GRIK2: variants seen among roughly 807,000 people sequenced by gnomAD.
The protein encoded by GRIK2 is glutamate ionotropic receptor kainate type subunit 2, also known as glutamate receptor ionotropic, kainate 2.
In GRIK2, 32 loss-of-function variants were observed where a neutral mutation model predicts 100.3. The observed-to-expected ratio is 0.32, with a 90% confidence interval of 0.24 to 0.43. The LOEUF (loss-of-function observed/expected upper bound fraction) is 0.43, where lower values mean the gene tolerates loss of function less well. Ranked by LOEUF, GRIK2 falls within the 20% of genes least tolerant of loss-of-function variation. The pLI is 1.00. For synonymous variants in GRIK2, 417 were observed against 389.4 expected (o/e 1.07, Z -0.83); for missense variants, 843 against 1,114.9 (o/e 0.76, Z 3.47).
intron 9 of GRIK2, among the ~76,000 whole-genome samples, chr6:101,810,127 T>C (rs1781240480): frequency 6.6e-6 from 1 of 151,834 alleles, no homozygotes; most frequent in Admixed American, 6.6e-5. Flanking sequence ...TAATTGTAAT[T>C]GATTGATTTG....
chr6:101,605,682 A>C (rs892111133), intron 2 of GRIK2, among the ~76,000 whole-genome samples: 10 of 152,006 alleles, frequency 6.6e-5, no homozygotes, highest in African/African-American at 2.4e-4. Context: ...CCGTCTCCAA[A>C]AAACAAACAA....
chr6:102,005,075 A>AT (rs1366886234), intron 14 of GRIK2, among the ~76,000 whole-genome samples: 1 of 151,492 alleles, frequency 6.6e-6, no homozygotes, highest in East Asian at 1.9e-4. Context: ...TTACTCCTGA[A>AT]TTTTTAATCT....
chr6:101,896,471 G>T lies in GRIK2; in HGVS notation c.1748+6608G>T, dbSNP rs1054061359. Among the ~76,000 whole-genome samples, 4 of 151,632 alleles carry T rather than the reference G, an allele frequency of 2.6e-5. 1 individual carries two copies. The highest frequency in any genetic ancestry group is 1.3e-4 in the Admixed American group (2 of 15,166). The stretch of plus-strand genomic sequence containing the variant: ...ATTTTCTGTAATCAAATGCTAGTTG[G>T]CATTTTTTAAGGATAAACATGCTTA... On this transcript the variant is annotated intron_variant, in intron 12 of 16. Transcript: ENST00000369134.
At chr6:101,639,746 A>C (rs115453991) in intron 4 of GRIK2, among the ~76,000 whole-genome samples, 227 of 152,288 alleles carry the variant, frequency 1.5e-3, no homozygotes, top group African/African-American at 5.0e-3. Context: ...TAAGCATCTA[A>C]CTTTTTCAGA....
intron 2 of GRIK2, among the ~76,000 whole-genome samples, chr6:101,434,971 A>G (rs979551015): frequency 1.3e-5 from 2 of 152,086 alleles, no homozygotes; most frequent in Admixed American, 6.6e-5. Flanking sequence ...AGAAAATTCT[A>G]TCCAGAGAGA....
chr6:102,008,660 A>G (rs1296500933), intron 14 of GRIK2, among the ~76,000 whole-genome samples: 1 of 152,102 alleles, frequency 6.6e-6, no homozygotes, highest in Non-Finnish European at 1.5e-5. Context: ...GTCTTTTCCA[A>G]CTGTAAAATA....
chr6:101,464,566 G>T (rs1365336160), intron 2 of GRIK2, among the ~76,000 whole-genome samples: 1 of 117,212 alleles, frequency 8.5e-6, no homozygotes, highest in Non-Finnish European at 1.6e-5. Context: ...CGCCAGGCTG[G>T]AGTGCAGTGG....
At chr6:101,945,173 T>A (rs1791197271) in intron 14 of GRIK2, among the ~76,000 whole-genome samples, 1 of 150,740 alleles carries the variant, frequency 6.6e-6, no homozygotes, top group African/African-American at 2.4e-5. Flanking sequence ...TTTAACTGAT[T>A]TTTTTTTAGC....
At chr6:101,520,945 TA>T (rs1774853421) in intron 2 of GRIK2, among the ~76,000 whole-genome samples, 1 of 152,130 alleles carries the variant, frequency 6.6e-6, no homozygotes, top group African/African-American at 2.4e-5. Flanking sequence ...TTGTATATTA[TA>T]TTTTTTATAC....
At chr6:101,603,191 CAT>C (rs1779301136) in intron 2 of GRIK2, among the ~76,000 whole-genome samples, 1 of 151,672 alleles carries the variant, frequency 6.6e-6, no homozygotes, top group African/African-American at 2.4e-5. Flanking sequence ...AAATAATCAA[CAT>C]ATACACCCAC....
Position 101,874,346 on chromosome 6 carries a change from A to C in GRIK2, c.1524+14853A>C, listed in dbSNP as rs555659314. Reference sequence around the variant, plus strand: ...CCAGTTTTCCCAGCACCATTTATTAAATAGGGAATCCTTTCCCCATTTCTT... The same window carrying C: ...CCAGTTTTCCCAGCACCATTTATTACATAGGGAATCCTTTCCCCATTTCTT... On this transcript the variant is annotated intron_variant, in intron 11 of 16. Coordinates refer to ENST00000369134, the MANE Select transcript of GRIK2 (RefSeq NM_021956.5). Among the ~76,000 whole-genome samples, 4 of 152,204 alleles carry C rather than the reference A, an allele frequency of 2.6e-5. No homozygotes were observed. In the East Asian group the frequency reaches 7.7e-4, roughly 29 times the overall value.
intron 2 of GRIK2, among the ~76,000 whole-genome samples, chr6:101,536,923 T>C (rs1392619816): frequency 6.6e-6 from 1 of 151,776 alleles, no homozygotes; most frequent in Non-Finnish European, 1.5e-5. Flanking sequence ...TTTATAATTT[T>C]TATCTTCATT....
Position 101,686,254 on chromosome 6 carries a change from A to G in GRIK2, c.852A>G (p.Thr284=), listed in dbSNP as rs1311669748. ...VNMTGFRILN[T]ENTQVSSIIE... is the part of the protein sequence containing the mutation. ...TGACAGGGTTCAGAATATTAAATAC[A>G]GAAAATACCCAAGTCTCCTCCATCA... Residue 284 remains threonine (T), a synonymous_variant, in exon 7 of 17, where the codon ACA becomes ACG. Coordinates refer to ENST00000369134, the MANE Select transcript of GRIK2 (RefSeq NM_021956.5). 6.2e-7 allele frequency: 1 copy of G among 1,613,094 alleles called. No homozygotes were observed.
chr6:101,699,741 A>G (rs761216568), intron 7 of GRIK2, among the ~76,000 whole-genome samples: 3 of 152,134 alleles, frequency 2.0e-5, no homozygotes, highest in Admixed American at 6.6e-5. Flanking sequence ...AACAGAGGAG[A>G]GAGTAGTCTC....
chr6:101,503,953 A>G (rs1773898454), intron 2 of GRIK2, among the ~76,000 whole-genome samples: 1 of 152,160 alleles, frequency 6.6e-6, no homozygotes, highest in African/African-American at 2.4e-5. Flanking sequence ...CAAACTATGG[A>G]GAAAGTGACT....
intron 14 of GRIK2, among the ~76,000 whole-genome samples, chr6:101,973,057 T>G (rs1346284412): frequency 6.6e-6 from 1 of 151,754 alleles, no homozygotes; most frequent in Non-Finnish European, 1.5e-5. Flanking sequence ...CTTTTCTATG[T>G]CTAGTAGGGA....
chr6:101,491,608 GTC>G (rs1045083426), intron 2 of GRIK2, among the ~76,000 whole-genome samples: 2 of 151,860 alleles, frequency 1.3e-5, no homozygotes, highest in African/African-American at 2.4e-5. Flanking sequence ...TTTGTCTCCC[GTC>G]TCTGTCTCTA....
chr6:101,931,383 T>G (rs1790275823), intron 14 of GRIK2, among the ~76,000 whole-genome samples: 1 of 152,136 alleles, frequency 6.6e-6, no homozygotes, highest in Non-Finnish European at 1.5e-5. Flanking sequence ...TATCTTGTTT[T>G]TACTAATTTA....
At chr6:101,835,590 C>T (rs116332822) in intron 10 of GRIK2, among the ~76,000 whole-genome samples, 3,664 of 149,994 alleles carry the variant, frequency 0.024, 165 homozygotes, top group African/African-American at 0.084. Context: ...CATGCCTCAG[C>T]CCCCCGAGCA....
Sources: gnomAD v4.1 joint callset for allele counts (sites outside exome capture counted in the v4.1 genomes callset) on GRCh38, gnomAD v4.1.1 for gene constraint, MANE v1.5 for transcripts, NCBI Gene and HGNC (gene_info 2026-07-23, HGNC 2026-07-21) for gene names.